CNTNAP2: variants seen among roughly 807,000 people sequenced by gnomAD.
The protein encoded by CNTNAP2 is contactin associated protein 2.
Under a neutral mutation model 155.2 loss-of-function variants are expected in CNTNAP2, and 98 were observed. The observed-to-expected ratio is 0.63, with a 90% CI of 0.54 to 0.75. CNTNAP2 has a LOEUF of 0.75. Ranked by LOEUF, CNTNAP2 falls within the 30% of genes least tolerant of loss-of-function variation. CNTNAP2 has a pLI of 0.00. For missense variants in CNTNAP2, 1,727 were observed against 1,688.1 expected, an observed-to-expected ratio of 1.02 and a Z score of -0.40; for synonymous variants, 651 against 631.2, an observed-to-expected ratio of 1.03 and a Z score of -0.47.
intron 1 of CNTNAP2, among the ~76,000 whole-genome samples, chr7:146,560,417 G>A (rs892316274): frequency 2.6e-5 from 4 of 151,784 alleles, no homozygotes; most frequent in African/African-American, 7.3e-5. Context: ...GTGTATACAC[G>A]TGTGTGTATA....
At chr7:146,555,422 A>G (rs969470387) in intron 1 of CNTNAP2, among the ~76,000 whole-genome samples, 1 of 152,148 alleles carries the variant, frequency 6.6e-6, no homozygotes, top group South Asian at 2.1e-4. Context: ...TTACTGAATT[A>G]TATATCTAAT....
chr7:146,731,406 A>G (rs549257442), intron 1 of CNTNAP2, among the ~76,000 whole-genome samples: 7 of 151,542 alleles, frequency 4.6e-5, no homozygotes, highest in Non-Finnish European at 8.8e-5. Context: ...TTTGCTTAAT[A>G]TTTTTATATA....
chr7:146,669,818 A>G (rs1800269021), intron 1 of CNTNAP2, among the ~76,000 whole-genome samples: 1 of 148,956 alleles, frequency 6.7e-6, no homozygotes, highest in East Asian at 2.0e-4. Flanking sequence ...CTTTAGTGTA[A>G]GTACTACAAC....
chr7:147,962,118 A>T (rs1801128731), intron 14 of CNTNAP2, among the ~76,000 whole-genome samples: 1 of 152,250 alleles, frequency 6.6e-6, no homozygotes, highest in Non-Finnish European at 1.5e-5. Flanking sequence ...AGGACTGATT[A>T]ATCTTTGCAT....
intron 8 of CNTNAP2, among the ~76,000 whole-genome samples, chr7:147,230,034 C>T (rs189560690): frequency 4.6e-5 from 7 of 152,080 alleles, no homozygotes; most frequent in East Asian, 1.9e-4. Context: ...ATGTTGTTTA[C>T]AAATTATTTT....
intron 21 of CNTNAP2, among the ~76,000 whole-genome samples, chr7:148,356,150 T>TAATTA (rs10630846): frequency 0.99 from 150,706 of 152,266 alleles, 74,589 homozygotes; most frequent in Middle Eastern, 1. Context: ...CAGCTTAAAA[T>TAATTA]AATTAAAAAG....
At chr7:146,204,575 T>G in intron 1 of CNTNAP2, among the ~76,000 whole-genome samples, 1 of 152,078 alleles carries the variant, frequency 6.6e-6, no homozygotes, top group East Asian at 1.9e-4. Context: ...ACTGACAGAT[T>G]ATCTTTGTAT....
At chr7:148,311,118 A>G (rs534275275) in intron 21 of CNTNAP2, among the ~76,000 whole-genome samples, 2 of 152,206 alleles carry the variant, frequency 1.3e-5, no homozygotes, top group East Asian at 3.9e-4. Flanking sequence ...TGATATAAGG[A>G]GAAAGGTTTT....
chr7:147,292,052 T>C (rs1207964206), intron 8 of CNTNAP2, among the ~76,000 whole-genome samples: 2 of 152,154 alleles, frequency 1.3e-5, no homozygotes, highest in Non-Finnish European at 2.9e-5. Context: ...GTGGATTTTA[T>C]TAACCATGTC....
At chr7:147,260,598 G>A (rs539492888) in intron 8 of CNTNAP2, among the ~76,000 whole-genome samples, 79 of 152,270 alleles carry the variant, frequency 5.2e-4, no homozygotes, top group African/African-American at 1.4e-3. Flanking sequence ...AAAATTAATA[G>A]TGATACCACA....
At position 148,143,993 on chromosome 7, in the gene CNTNAP2, G is replaced by A. The variant is rs544849687; in HGVS notation, c.2555-3498G>A. 3.3e-5 allele frequency among the ~76,000 whole-genome samples: 5 copies of A among 152,288 alleles called. No homozygotes were observed. The East Asian group carries it at 9.7e-4, about 29-fold the overall frequency. ...TCCAGATCCATCCTGTGGGCCTTGGGTAGGGCTGTCCTTATGCAAAGTGCA... is the reference window on the plus strand; with the variant it reads ...TCCAGATCCATCCTGTGGGCCTTGGATAGGGCTGTCCTTATGCAAAGTGCA... On this transcript the variant is annotated intron_variant, in intron 16 of 23. Coordinates refer to ENST00000361727, the MANE Select transcript of CNTNAP2 (RefSeq NM_014141.6).
At chr7:146,939,257 A>G (rs554923970) in intron 3 of CNTNAP2, among the ~76,000 whole-genome samples, 88 of 152,314 alleles carry the variant, frequency 5.8e-4, no homozygotes, top group Middle Eastern at 3.4e-3. Flanking sequence ...GAAACTCACA[A>G]TAGGAGTTCG....
chr7:146,817,424 A>C (rs1164961596), intron 2 of CNTNAP2, among the ~76,000 whole-genome samples: 1 of 151,938 alleles, frequency 6.6e-6, no homozygotes, highest in African/African-American at 2.4e-5. Context: ...GTGAGCCGAG[A>C]TCGTGCCACT....
intron 14 of CNTNAP2, among the ~76,000 whole-genome samples, chr7:147,975,123 G>A (rs538004775): frequency 6.7e-6 from 1 of 149,782 alleles, no homozygotes; most frequent in African/African-American, 2.4e-5. Flanking sequence ...TTTGTATTAT[G>A]TATAATATTT....
intron 10 of CNTNAP2, among the ~76,000 whole-genome samples, chr7:147,475,434 C>T (rs1223103974): frequency 6.6e-6 from 1 of 152,038 alleles, no homozygotes; most frequent in African/African-American, 2.4e-5. Context: ...TGATGTTGAA[C>T]ATTTTCTATA....
intron 21 of CNTNAP2, among the ~76,000 whole-genome samples, chr7:148,360,816 C>CTT (rs1231168802): frequency 1.5e-4 from 19 of 126,904 alleles, no homozygotes; most frequent in Admixed American, 9.9e-4. Context: ...TTTTCTTTTT[C>CTT]TTTTTTTTTT....
intron 11 of CNTNAP2, among the ~76,000 whole-genome samples, chr7:147,561,148 G>C (rs1323557472): frequency 1.3e-5 from 2 of 152,140 alleles, no homozygotes; most frequent in African/African-American, 4.8e-5. Context: ...TTTTTAATTA[G>C]TACAATATAA....
intron 10 of CNTNAP2, among the ~76,000 whole-genome samples, chr7:147,401,464 G>T (rs1403690383): frequency 1.3e-5 from 2 of 151,792 alleles, no homozygotes; most frequent in Admixed American, 6.6e-5. Flanking sequence ...TCAAAGAAAA[G>T]AATAAGTAAA....
At chr7:146,243,465 A>G (rs184708218) in intron 1 of CNTNAP2, among the ~76,000 whole-genome samples, 1 of 152,306 alleles carries the variant, frequency 6.6e-6, no homozygotes, top group Admixed American at 6.5e-5. Flanking sequence ...ATTTGAAAGG[A>G]AGTAGTGAAA....
Sources: allele counts gnomAD v4.1 joint callset (sites outside exome capture counted in the v4.1 genomes callset), GRCh38; gene constraint gnomAD v4.1.1; transcripts MANE v1.5; gene names NCBI Gene and HGNC (gene_info 2026-07-23, HGNC 2026-07-21).